LRRTM4: variants seen among roughly 807,000 people sequenced by gnomAD.
LRRTM4 encodes the protein leucine-rich repeat transmembrane neuronal protein 4.
In LRRTM4, 25 loss-of-function variants were observed where a neutral mutation model predicts 47.6. The observed-to-expected ratio is 0.53, with a 90% confidence interval of 0.38 to 0.73. The LOEUF is 0.73. LRRTM4 is among the 30% of genes least tolerant of loss of function. The pLI, the probability that LRRTM4 is intolerant of heterozygous loss-of-function variation, is 0.00. For missense variants in LRRTM4, 638 were observed against 713.4 expected, an observed-to-expected ratio of 0.89 and a Z score of 1.20; for synonymous variants, 311 against 269.5, an observed-to-expected ratio of 1.15 and a Z score of -1.51.
chr2:77,187,213 T>G (rs1015831421), intron 3 of LRRTM4, among the ~76,000 whole-genome samples: 37 of 152,168 alleles, frequency 2.4e-4, no homozygotes, highest in Non-Finnish European at 5.3e-4. Flanking sequence ...GTGAAACTAC[T>G]GTGGTGCCAT....
intron 3 of LRRTM4, among the ~76,000 whole-genome samples, chr2:76,795,391 A>G (rs542490108): frequency 6.6e-6 from 1 of 152,302 alleles, no homozygotes; most frequent in African/African-American, 2.4e-5. Flanking sequence ...AATTAACAAA[A>G]AGTCTATACT....
At chr2:77,120,111 T>A (rs747870819) in intron 3 of LRRTM4, among the ~76,000 whole-genome samples, 4 of 151,814 alleles carry the variant, frequency 2.6e-5, no homozygotes, top group Non-Finnish European at 4.4e-5. Context: ...GCCTTCACAA[T>A]CATCATTCGA....
intron 3 of LRRTM4, among the ~76,000 whole-genome samples, chr2:77,097,526 T>TA (rs1185489480): frequency 6.6e-6 from 1 of 151,868 alleles, no homozygotes; most frequent in Non-Finnish European, 1.5e-5. Context: ...GAACAAGATA[T>TA]AATAAATAGA....
chr2:77,226,515 C>G (rs1347540149), intron 3 of LRRTM4, among the ~76,000 whole-genome samples: 1 of 144,602 alleles, frequency 6.9e-6, no homozygotes, highest in African/African-American at 2.5e-5. Context: ...TACTGATGTG[C>G]TTATTACAGA....
chr2:77,260,378 T>A (rs886767994), intron 3 of LRRTM4, among the ~76,000 whole-genome samples: 6 of 123,842 alleles, frequency 4.8e-5, no homozygotes, highest in African/African-American at 2.8e-4. Flanking sequence ...AAAAATCGTG[T>A]GTGTGTGTGT....
intron 3 of LRRTM4, among the ~76,000 whole-genome samples, chr2:76,908,511 G>C (rs1410146833): frequency 6.6e-6 from 1 of 151,594 alleles, no homozygotes; most frequent in African/African-American, 2.4e-5. Flanking sequence ...GGCAGGAGAA[G>C]GAAATAAAGG....
chr2:76,796,277 C>G lies in LRRTM4; in HGVS notation c.1552-47361G>C, dbSNP rs1489085692. Among the ~76,000 whole-genome samples the G allele has an allele frequency of 2.7e-5, 2 of 73,550 alleles. 1 individual carries two copies. Among genetic ancestry groups the G allele is most frequent in the African/African-American group, 1.7e-4 (2 of 11,562 alleles). 48.3% of individuals were successfully genotyped at this position (73,550 alleles called of 152,430 possible). ...CATTGAACAGGCTTGATTAGGTAAA[C>G]AAAGCAGCCAGGAAGCTCCAACTGG... On this transcript the variant is annotated intron_variant, in intron 3 of 3. Coordinates refer to ENST00000409884, the MANE Select transcript of LRRTM4 (RefSeq NM_001134745.3).
chr2:76,816,747 T>C (rs1369778283), intron 3 of LRRTM4, among the ~76,000 whole-genome samples: 2 of 151,068 alleles, frequency 1.3e-5, no homozygotes, highest in Non-Finnish European at 3.0e-5. Context: ...CCTACCTTGT[T>C]TCCTCTTCCT....
chr2:77,413,984 C>A (rs1256097129), intron 3 of LRRTM4, among the ~76,000 whole-genome samples: 2 of 152,106 alleles, frequency 1.3e-5, no homozygotes, highest in African/African-American at 4.8e-5. Context: ...GCAGAGTTCA[C>A]TACAAATCCG....
intron 3 of LRRTM4, among the ~76,000 whole-genome samples, chr2:76,793,604 GTAAGT>G (rs58534699): frequency 0.56 from 85,404 of 151,212 alleles, 24,810 homozygotes; most frequent in East Asian, 0.76. Context: ...TGTGCTCTCG[GTAAGT>G]TAAGTTTTGA....
chr2:77,455,530 AG>A (rs1676498180), intron 3 of LRRTM4, among the ~76,000 whole-genome samples: 1 of 152,074 alleles, frequency 6.6e-6, no homozygotes, highest in South Asian at 2.1e-4. Flanking sequence ...CAGCCTAAAG[AG>A]GGGTACATAT....
At chr2:77,241,758 C>G (rs546595360) in intron 3 of LRRTM4, among the ~76,000 whole-genome samples, 2 of 152,038 alleles carry the variant, frequency 1.3e-5, no homozygotes, top group Non-Finnish European at 1.5e-5. Context: ...TGTCATAAAT[C>G]TTTTCTCCTA....
At chr2:77,044,594 G>A (rs1679169807) in intron 3 of LRRTM4, among the ~76,000 whole-genome samples, 1 of 151,002 alleles carries the variant, frequency 6.6e-6, no homozygotes, top group Non-Finnish European at 1.5e-5. Context: ...GGATTTAGTG[G>A]GAGTGAAAAC....
At chr2:77,029,004 T>C (rs1432725383) in intron 3 of LRRTM4, among the ~76,000 whole-genome samples, 1 of 148,962 alleles carries the variant, frequency 6.7e-6, no homozygotes, top group East Asian at 2.0e-4. Context: ...CACTGCACTA[T>C]AGCCTGGGTG....
intron 3 of LRRTM4, among the ~76,000 whole-genome samples, chr2:77,422,097 T>C (rs2103884114): frequency 6.6e-6 from 1 of 152,350 alleles, no homozygotes; most frequent in Non-Finnish European, 1.5e-5. Context: ...CTAGGTTTAC[T>C]TAAGCATATA....
chr2:77,101,165 T>C (rs1004169568), intron 3 of LRRTM4, among the ~76,000 whole-genome samples: 4 of 152,184 alleles, frequency 2.6e-5, no homozygotes, highest in Non-Finnish European at 5.9e-5. Flanking sequence ...AAAAATATTT[T>C]AGATCTTCCT....
chr2:76,929,341 A>G (rs1558744309), intron 3 of LRRTM4, among the ~76,000 whole-genome samples: 1 of 152,132 alleles, frequency 6.6e-6, no homozygotes, highest in Admixed American at 6.6e-5. Context: ...ATTTGTGCCC[A>G]TTTACCTCCC....
chr2:77,050,865 A>G (rs114688015), intron 3 of LRRTM4, among the ~76,000 whole-genome samples: 2,327 of 152,276 alleles, frequency 0.015, 22 homozygotes, highest in Admixed American at 0.024. Flanking sequence ...AGAACTTCTC[A>G]GATATTATTC....
At chr2:77,185,102 C>T (rs1310009784) in intron 3 of LRRTM4, among the ~76,000 whole-genome samples, 1 of 152,116 alleles carries the variant, frequency 6.6e-6, no homozygotes, top group Non-Finnish European at 1.5e-5. Context: ...GCCATTCACT[C>T]ATTTTCTACA....
Sources: gnomAD v4.1 joint callset for allele counts (sites outside exome capture counted in the v4.1 genomes callset) on GRCh38, gnomAD v4.1.1 for gene constraint, MANE v1.5 for transcripts, NCBI Gene and HGNC (gene_info 2026-07-23, HGNC 2026-07-21) for gene names.